Variants in GYPE observed in about 807,000 individuals in gnomAD.
GYPE encodes glycophorin-E.
In GYPE, 8 loss-of-function variants were observed where a neutral mutation model predicts 11.6. The observed-to-expected ratio is 0.69, with a 90% CI of 0.41 to 1.25. The LOEUF is 1.25. Ranked by LOEUF, GYPE falls within the 50% of genes most tolerant of loss-of-function variation. GYPE has a pLI of 0.01. For synonymous variants in GYPE, 28 were observed against 29.6 expected, an observed-to-expected ratio of 0.94 and a Z score of 0.18; for missense variants, 90 against 92.8, an observed-to-expected ratio of 0.97 and a Z score of 0.12.
chr4:143,904,882 C>A (rs1273801535), intron 1 of GYPE, among the ~76,000 whole-genome samples: 1 of 150,876 alleles, frequency 6.6e-6, no homozygotes, highest in Non-Finnish European at 1.5e-5. Context: ...TAATAATGAC[C>A]CTATGATATT....
intron 1 of GYPE, among the ~76,000 whole-genome samples, chr4:143,903,731 C>G (rs939088921): frequency 3.3e-5 from 5 of 151,960 alleles, no homozygotes; most frequent in Non-Finnish European, 7.4e-5. Context: ...TCAGGGTCAT[C>G]TTGCCCCAGT....
chr4:143,899,113 G>C (rs1473821138), intron 1 of GYPE, among the ~76,000 whole-genome samples: 1 of 147,558 alleles, frequency 6.8e-6, no homozygotes. Context: ...CACACAGTTA[G>C]AGTTCCTTAG....
chr4:143,905,449 A>C (rs374894258), intron 1 of GYPE, 22 bp downstream of exon 1: 88 of 1,612,778 alleles, frequency 5.5e-5, no homozygotes, highest in South Asian at 6.6e-5. Flanking sequence ...TAACAGAACC[A>C]AGATGAAATA....
In GYPE at chr4:143,871,160, A is replaced by G. The variant is rs1276678558; in HGVS notation, c.*1102T>C. On this transcript the variant is annotated 3_prime_UTR_variant, in exon 4 of 4. Transcript: ENST00000358615. ...GGGATTATTGGAACTACAATTCAAG[A>G]TGAGATTTGAGTGGGAACACAGCCA... is the stretch of plus-strand genomic sequence containing the variant. 2 of 151,646 alleles carry G rather than the reference A, an allele frequency of 1.3e-5. No homozygotes were observed. Among genetic ancestry groups the G allele is most frequent in the African/African-American group, 4.9e-5 (2 of 40,992 alleles). The allele number at this position is 151,646 out of a possible 1,614,324, so 9.4% of individuals were successfully genotyped here.
chr4:143,872,823 G>T (rs1035247352), intron 3 of GYPE, among the ~76,000 whole-genome samples: 11 of 151,944 alleles, frequency 7.2e-5, no homozygotes, highest in African/African-American at 2.7e-4. Flanking sequence ...TTAGTAAGTT[G>T]GAGTTTTGGG....
chr4:143,888,647 C>A (rs143390057), intron 1 of GYPE, among the ~76,000 whole-genome samples: 98,637 of 145,290 alleles, frequency 0.68, 33,744 homozygotes, highest in East Asian at 0.96. Flanking sequence ...TTGTCTTGGA[C>A]AGAATTAACG....
chr4:143,877,815 C>T (rs1743871592), intron 2 of GYPE, among the ~76,000 whole-genome samples: 1 of 148,174 alleles, frequency 6.7e-6, no homozygotes. Flanking sequence ...CAAATGAGCA[C>T]ACACAGTGAT....
chr4:143,883,530 A>G (rs1744124864), intron 1 of GYPE, among the ~76,000 whole-genome samples: 1 of 143,540 alleles, frequency 7.0e-6, no homozygotes, highest in South Asian at 2.1e-4. Flanking sequence ...ATTAATAATA[A>G]CATGTAATTA....
chr4:143,875,381 GTT>G, intron 3 of GYPE: 1 of 1,320,470 alleles, frequency 7.6e-7, no homozygotes, highest in Admixed American at 2.0e-5. Flanking sequence ...AGAACAGGGA[GTT>G]AGGATAGCCA....
At chr4:143,889,222 C>T (rs1471414260) in intron 1 of GYPE, among the ~76,000 whole-genome samples, 2 of 151,964 alleles carry the variant, frequency 1.3e-5, no homozygotes, top group Admixed American at 6.6e-5. Context: ...AACTTTTTAG[C>T]CTCGCTCTGT....
intron 1 of GYPE, among the ~76,000 whole-genome samples, chr4:143,886,286 A>T (rs1030452273): frequency 4.2e-5 from 6 of 144,148 alleles, no homozygotes; most frequent in Non-Finnish European, 7.6e-5. Flanking sequence ...AATTTCATCA[A>T]TACCTTCAAA....
chr4:143,876,611 T>C (rs1440207840), intron 3 of GYPE, 135 bp downstream of exon 3: 3 of 612,286 alleles, frequency 4.9e-6, no homozygotes, highest in African/African-American at 3.7e-5. Flanking sequence ...CAGTGACTTC[T>C]ATGTGTCCAG....
At chr4:143,878,824 T>C (rs1743911365) in intron 2 of GYPE, 1 of 363,624 alleles carries the variant, frequency 2.8e-6, no homozygotes. Flanking sequence ...GCTAGTAAAA[T>C]TTATGAGGGA....
chr4:143,879,818 T>C (rs1291126723), intron 2 of GYPE, among the ~76,000 whole-genome samples: 1 of 152,160 alleles, frequency 6.6e-6, no homozygotes, highest in Admixed American at 6.6e-5. Context: ...CAGAATTTCT[T>C]CTTCTCCCCT....
chr4:143,880,380 C>T (rs776351447), intron 2 of GYPE, 31 bp downstream of exon 2: 2 of 1,613,612 alleles, frequency 1.2e-6, no homozygotes, highest in East Asian at 4.5e-5. Flanking sequence ...GATTTCGGAG[C>T]CACAATTTAA....
intron 1 of GYPE, among the ~76,000 whole-genome samples, chr4:143,880,872 A>G (rs1250263233): frequency 6.6e-6 from 1 of 152,136 alleles, no homozygotes; most frequent in African/African-American, 2.4e-5. Context: ...ATGTGTTAGT[A>G]TAGTACTTGG....
intron 3 of GYPE, among the ~76,000 whole-genome samples, chr4:143,875,785 A>G (rs1743777254): frequency 6.6e-6 from 1 of 152,084 alleles, no homozygotes; most frequent in Non-Finnish European, 1.5e-5. Context: ...CCTGGCCAAC[A>G]CAGCGAAACC....
At chr4:143,889,732 A>C (rs1744332908) in intron 1 of GYPE, among the ~76,000 whole-genome samples, 1 of 152,158 alleles carries the variant, frequency 6.6e-6, no homozygotes, top group African/African-American at 2.4e-5. Context: ...GTCTAAGATA[A>C]TAATATTTGT....
intron 1 of GYPE, among the ~76,000 whole-genome samples, chr4:143,890,727 C>T (rs977249686): frequency 1.3e-5 from 2 of 152,230 alleles, no homozygotes; most frequent in African/African-American, 4.8e-5. Flanking sequence ...TGAACAGCTA[C>T]AGTATGGGAT....
Sources: gnomAD v4.1 joint callset for allele counts (sites outside exome capture counted in the v4.1 genomes callset) on GRCh38, gnomAD v4.1.1 for gene constraint, MANE v1.5 for transcripts, NCBI Gene and HGNC (gene_info 2026-07-23, HGNC 2026-07-21) for gene names.